UBR3: variants seen among roughly 807,000 people sequenced by gnomAD.
The protein encoded by UBR3 is E3 ubiquitin-protein ligase UBR3.
In UBR3, 85 loss-of-function variants were observed where a neutral mutation model predicts 243.2. That is an observed-to-expected ratio of 0.35 (90% CI 0.29 to 0.42). The LOEUF (loss-of-function observed/expected upper bound fraction) is 0.42, where lower values mean the gene tolerates loss of function less well. UBR3 is among the 10% of genes least tolerant of loss of function. The pLI, the probability that UBR3 is intolerant of heterozygous loss-of-function variation, is 1.00. For synonymous variants in UBR3, 748 were observed against 799.8 expected, an observed-to-expected ratio of 0.94 and a Z score of 1.09; for missense variants, 1,686 against 2,300.8, an observed-to-expected ratio of 0.73 and a Z score of 5.47.
chr2:169,890,532 G>GATATATATAT (rs1310193685), intron 5 of UBR3, among the ~76,000 whole-genome samples: 1 of 10,654 alleles, frequency 9.4e-5, no homozygotes, highest in African/African-American at 2.7e-4. Flanking sequence ...CTAGGAGAGA[G>GATATATATAT]AGAGAGAGAT....
intron 35 of UBR3, among the ~76,000 whole-genome samples, chr2:170,062,223 G>C (rs889372993): frequency 2.6e-5 from 4 of 152,220 alleles, no homozygotes; most frequent in African/African-American, 9.6e-5. Context: ...GAGTGGGCAA[G>C]AAAGTGACAG....
intron 30 of UBR3, among the ~76,000 whole-genome samples, chr2:170,020,773 C>T (rs2090369245): frequency 6.6e-6 from 1 of 152,138 alleles, no homozygotes; most frequent in Admixed American, 6.6e-5. Context: ...ATACATCTTA[C>T]AAATTCAGAA....
At chr2:169,893,494 T>C (rs1186899938) in intron 6 of UBR3, among the ~76,000 whole-genome samples, 1 of 152,204 alleles carries the variant, frequency 6.6e-6, no homozygotes, top group Non-Finnish European at 1.5e-5. Context: ...TGTGAAATTA[T>C]CAGTCACATT....
At chr2:169,888,973 A>G (rs556237581) in intron 5 of UBR3, among the ~76,000 whole-genome samples, 81 of 152,238 alleles carry the variant, frequency 5.3e-4, no homozygotes, top group Non-Finnish European at 6.3e-4. Context: ...ATATAGTCCC[A>G]ATTCACTTGT....
intron 5 of UBR3, among the ~76,000 whole-genome samples, chr2:169,879,000 A>G (rs1342118555): frequency 6.6e-6 from 1 of 152,144 alleles, no homozygotes; most frequent in East Asian, 1.9e-4. Context: ...TAATCGTATA[A>G]TAAAGTTACA....
At chr2:169,995,146 A>C (rs1320397829) in intron 26 of UBR3, among the ~76,000 whole-genome samples, 2 of 152,138 alleles carry the variant, frequency 1.3e-5, no homozygotes, top group African/African-American at 4.8e-5. Context: ...AAAGTATATG[A>C]TAATTATACA....
chr2:170,025,410 T>A (rs1452048512), intron 30 of UBR3, among the ~76,000 whole-genome samples: 1 of 152,042 alleles, frequency 6.6e-6, no homozygotes, highest in Non-Finnish European at 1.5e-5. Flanking sequence ...TGAGTTGGCC[T>A]GAAGGACAAA....
chr2:169,893,242 C>T (rs2084442992), intron 6 of UBR3, among the ~76,000 whole-genome samples: 1 of 152,128 alleles, frequency 6.6e-6, no homozygotes, highest in African/African-American at 2.4e-5. Flanking sequence ...TTTATTTTAG[C>T]AGAAGCCACA....
chr2:169,872,803 A>G (rs1443655194), intron 2 of UBR3, among the ~76,000 whole-genome samples: 1 of 152,008 alleles, frequency 6.6e-6, no homozygotes, highest in East Asian at 1.9e-4. Context: ...CTCTCTATAT[A>G]TTATATAATA....
At chr2:169,834,443 T>C (rs904197456) in intron 1 of UBR3, among the ~76,000 whole-genome samples, 1 of 152,210 alleles carries the variant, frequency 6.6e-6, no homozygotes, top group African/African-American at 2.4e-5. Flanking sequence ...CTAGAAGTTA[T>C]ATCTTGGTTG....
intron 31 of UBR3, among the ~76,000 whole-genome samples, 169 bp from the exon 32 acceptor site, chr2:170,040,713 A>G (rs573959950): frequency 1.3e-5 from 2 of 152,278 alleles, no homozygotes; most frequent in East Asian, 1.9e-4. Flanking sequence ...ATATGAGTCT[A>G]AAATGTAATT....
intron 18 of UBR3, 70 bp downstream of exon 18, chr2:169,928,938 A>C (rs1040214407): frequency 1.3e-4 from 157 of 1,228,436 alleles, no homozygotes; most frequent in Non-Finnish European, 1.6e-4. Context: ...CTGTGTATTA[A>C]AAGAAAATGT....
chr2:169,877,619 A>G lies in UBR3; in HGVS notation c.970A>G (p.Ser324Gly). ...YGVQEPSAGTSSLAVQGFIGA... is the reference protein window; with the variant it reads ...YGVQEPSAGTGSLAVQGFIGA... ...TGTGCAGGAGCCATCTGCTGGTACT[A>G]GTTCTCTGGCTGTTCAAGGTTTGTC... The change falls in exon 4 of 39, where the codon AGT becomes GGT. Residue 324 changes from serine to glycine, a missense_variant. By Grantham distance (56) the Ser-to-Gly change is moderately conservative. This residue lies in a region of UBR3 where 200 missense variants were observed against 231.6 expected (regional missense o/e 0.86). Transcript: ENST00000272793. The G allele has an allele frequency of 6.5e-7, 1 of 1,545,544 alleles. No homozygotes were observed.
At chr2:169,913,272 G>C (rs2085326263) in intron 10 of UBR3, among the ~76,000 whole-genome samples, 1 of 150,840 alleles carries the variant, frequency 6.6e-6, no homozygotes, top group African/African-American at 2.4e-5. Context: ...GAGCATCTTT[G>C]TATGTGCTTA....
At chr2:169,891,558 G>A (rs1341409939) in intron 6 of UBR3, among the ~76,000 whole-genome samples, 1 of 151,298 alleles carries the variant, frequency 6.6e-6, no homozygotes, top group Non-Finnish European at 1.5e-5. Flanking sequence ...TCTGGGGTAT[G>A]CAATTTCTAG....
intron 26 of UBR3, among the ~76,000 whole-genome samples, chr2:170,000,406 G>T (rs1030292629): frequency 6.6e-6 from 1 of 152,160 alleles, no homozygotes; most frequent in Non-Finnish European, 1.5e-5. Context: ...TGAATATTAT[G>T]TACTGGAAAT....
intron 1 of UBR3, among the ~76,000 whole-genome samples, chr2:169,836,035 CTCTCTCTCTATATATATA>C (rs1476917132): frequency 4.1e-3 from 66 of 16,262 alleles, no homozygotes; most frequent in African/African-American, 0.012. Context: ...CTCTCTCTCT[CTCTCTCTCTATATATATA>C]TATATATATA....
rs1348554888 is a variant in UBR3, at chr2:170,010,296, A to T, written c.4367+1356A>T. 2.0e-5 allele frequency among the ~76,000 whole-genome samples: 3 copies of T among 152,138 alleles called. No individual in the cohort carries two copies. In the East Asian group the frequency reaches 5.8e-4, roughly 29 times the overall value. ...ACTTCCATATGATATTGTGATTATA[A>T]CATTGTAGACGATTGGGTTGAATAT... On this transcript the variant is annotated intron_variant, in intron 29 of 38. Coordinates refer to ENST00000272793, the MANE Select transcript of UBR3 (RefSeq NM_172070.4).
At chr2:169,831,127 A>ATATATATATATATTTT (rs1450878762) in intron 1 of UBR3, among the ~76,000 whole-genome samples, 1 of 56,478 alleles carries the variant, frequency 1.8e-5, no homozygotes, top group African/African-American at 9.0e-5. Flanking sequence ...ATATATATAT[A>ATATATATATATATTTT]TTTTTTTTTT....
Sources: allele counts gnomAD v4.1 joint callset (sites outside exome capture counted in the v4.1 genomes callset), GRCh38; gene constraint gnomAD v4.1.1; regional missense constraint gnomAD v4.1.1; transcripts MANE v1.5; gene names NCBI Gene and HGNC (gene_info 2026-07-23, HGNC 2026-07-21).